Variants in CAMK1D observed in about 807,000 individuals in gnomAD.
CAMK1D encodes the protein calcium/calmodulin-dependent protein kinase type 1D.
A neutral mutation model predicts 47.7 loss-of-function variants in CAMK1D; 9 were observed. That is an observed-to-expected ratio of 0.19 (90% CI 0.11 to 0.33). CAMK1D has a LOEUF of 0.33. CAMK1D is among the 10% of genes least tolerant of loss of function. The pLI is 1.00. For synonymous variants in CAMK1D, 184 were observed against 184.9 expected (o/e 0.99, Z 0.04); for missense variants, 291 against 488.7 (o/e 0.60, Z 3.81).
intron 3 of CAMK1D, among the ~76,000 whole-genome samples, chr10:12,751,500 A>G (rs1835984369): frequency 1.3e-5 from 2 of 152,202 alleles, no homozygotes; most frequent in South Asian, 4.1e-4. Context: ...ACAGCGGTAA[A>G]TGAGGCAGGC....
At chr10:12,802,335 A>G (rs1838517209) in intron 6 of CAMK1D, among the ~76,000 whole-genome samples, 1 of 152,134 alleles carries the variant, frequency 6.6e-6, no homozygotes, top group Non-Finnish European at 1.5e-5. Context: ...ATAGCGCTGA[A>G]AAAGGCTTCT....
intron 2 of CAMK1D, among the ~76,000 whole-genome samples, chr10:12,629,013 T>C (rs994820228): frequency 2.3e-4 from 35 of 152,196 alleles, no homozygotes; most frequent in African/African-American, 8.4e-4. Flanking sequence ...GTTCACCTAC[T>C]GGGGGACTGT....
chr10:12,565,357 G>T (rs908016303), intron 2 of CAMK1D, among the ~76,000 whole-genome samples: 1 of 152,172 alleles, frequency 6.6e-6, no homozygotes, highest in African/African-American at 2.4e-5. Context: ...TCAAGCAATT[G>T]ATTCTCCTGC....
chr10:12,692,358 T>A (rs1172194769), intron 3 of CAMK1D, among the ~76,000 whole-genome samples: 2 of 152,158 alleles, frequency 1.3e-5, no homozygotes, highest in African/African-American at 2.4e-5. Flanking sequence ...TTGGTATATG[T>A]TAGGGAAAAT....
intron 1 of CAMK1D, among the ~76,000 whole-genome samples, chr10:12,524,273 T>G (rs1354818891): frequency 6.6e-6 from 1 of 152,042 alleles, no homozygotes; most frequent in Non-Finnish European, 1.5e-5. Flanking sequence ...CCAGGATTTA[T>G]AATATACATA....
chr10:12,393,751 G>A (rs1024282839), intron 1 of CAMK1D, among the ~76,000 whole-genome samples: 1 of 152,226 alleles, frequency 6.6e-6, no homozygotes, highest in East Asian at 1.9e-4. Flanking sequence ...TGCTCTGAAG[G>A]TGGGGACGGT....
rs765364710 is a variant in CAMK1D, at chr10:12,564,119, G to GTC, written c.224+10789_224+10790dup. Among the ~76,000 whole-genome samples, 381 of 127,304 alleles carry GTC rather than the reference G, an allele frequency of 3.0e-3. 1 individual carries two copies. Among genetic ancestry groups the GTC allele is most frequent in the African/African-American group, 9.5e-3 (320 of 33,642 alleles). 83.5% of individuals were successfully genotyped at this position (127,304 alleles called of 152,430 possible). ...GATAGATAGATCTGTCTGTCTAGAT[G>GTC]TCTCTCTCTCTCTCTCTCTCTCTCT... On this transcript the variant is annotated intron_variant, in intron 2 of 10. Coordinates refer to ENST00000619168, the MANE Select transcript of CAMK1D (RefSeq NM_153498.4).
At chr10:12,427,700 G>GTTTTTTTGTTTTTTT (rs1290974363) in intron 1 of CAMK1D, among the ~76,000 whole-genome samples, 3 of 31,032 alleles carry the variant, frequency 9.7e-5, no homozygotes, top group Non-Finnish European at 1.2e-4. Flanking sequence ...TGAACTTACT[G>GTTTTTTTGTTTTTTT]TTTTTTTTTT....
At chr10:12,620,214 A>C (rs977136916) in intron 2 of CAMK1D, among the ~76,000 whole-genome samples, 4 of 135,938 alleles carry the variant, frequency 2.9e-5, no homozygotes, top group African/African-American at 1.0e-4. Flanking sequence ...AAAAAAAAAA[A>C]AAAATAAAGC....
At chr10:12,744,395 A>G (rs1399214036) in intron 3 of CAMK1D, among the ~76,000 whole-genome samples, 1 of 152,168 alleles carries the variant, frequency 6.6e-6, no homozygotes, top group Non-Finnish European at 1.5e-5. Flanking sequence ...TTTTTGAGAA[A>G]TTGTTAAACT....
In CAMK1D at chr10:12,674,532, T is replaced by G. The variant is rs764055609; in HGVS notation, c.299+7722T>G. On this transcript the variant is annotated intron_variant, in intron 3 of 10. Coordinates refer to ENST00000619168, the MANE Select transcript of CAMK1D (RefSeq NM_153498.4). ...TGCAGTAGATTTGTTCCTGTACTGC[T>G]GCAGCAAGAGTCTTAATTGTTTCCA... Among the ~76,000 whole-genome samples, 54 of 151,652 alleles carry G rather than the reference T, an allele frequency of 3.6e-4. 1 individual carries two copies. The highest frequency in any genetic ancestry group is 7.2e-4 in the Admixed American group (11 of 15,216).
intron 5 of CAMK1D, among the ~76,000 whole-genome samples, chr10:12,774,011 CA>C (rs1306396036): frequency 2.0e-5 from 3 of 147,278 alleles, no homozygotes; most frequent in Admixed American, 7.0e-5. Flanking sequence ...CTACATCATT[CA>C]GCCCTTGAAG....
chr10:12,393,264 C>T (rs4750210), intron 1 of CAMK1D, among the ~76,000 whole-genome samples: 32,308 of 152,022 alleles, frequency 0.21, 3,914 homozygotes, highest in Middle Eastern at 0.32. Flanking sequence ...ATCTCCTGAC[C>T]TTGTGATCCG....
chr10:12,736,212 C>G (rs1270659537), intron 3 of CAMK1D, among the ~76,000 whole-genome samples: 2 of 152,332 alleles, frequency 1.3e-5, no homozygotes, highest in East Asian at 3.9e-4. Context: ...CTTGCCTCCT[C>G]TCTTGCCTCC....
At chr10:12,592,250 C>A (rs1411815687) in intron 2 of CAMK1D, among the ~76,000 whole-genome samples, 1 of 152,170 alleles carries the variant, frequency 6.6e-6, no homozygotes, top group Non-Finnish European at 1.5e-5. Context: ...ATGTCAGGCA[C>A]CCTCTATCTT....
At chr10:12,762,392 C>G (rs748926592) in intron 4 of CAMK1D, among the ~76,000 whole-genome samples, 1 of 152,180 alleles carries the variant, frequency 6.6e-6, no homozygotes, top group Non-Finnish European at 1.5e-5. Flanking sequence ...TTACCTGCTA[C>G]TGGGTATTAA....
intron 7 of CAMK1D, among the ~76,000 whole-genome samples, chr10:12,815,643 C>A (rs1020965390): frequency 9.2e-5 from 14 of 152,382 alleles, no homozygotes; most frequent in African/African-American, 3.4e-4. Flanking sequence ...TGCCACCCAG[C>A]CCCTCACTTT....
At chr10:12,653,173 T>A (rs1840026290) in intron 2 of CAMK1D, 1 of 154,300 alleles carries the variant, frequency 6.5e-6, no homozygotes, top group Admixed American at 6.5e-5. Context: ...TCTCCCTTCC[T>A]CTTAAAAAAC....
chr10:12,615,455 TGTA>T (rs1163003391), intron 2 of CAMK1D, among the ~76,000 whole-genome samples: 2 of 150,572 alleles, frequency 1.3e-5, no homozygotes, highest in African/African-American at 4.9e-5. Context: ...CATGTGTGTG[TGTA>T]GGTGTGAGTG....
Sources: allele counts gnomAD v4.1 joint callset (sites outside exome capture counted in the v4.1 genomes callset), GRCh38; gene constraint gnomAD v4.1.1; transcripts MANE v1.5; gene names NCBI Gene and HGNC (gene_info 2026-07-23, HGNC 2026-07-21).